STXBP3: variants seen among roughly 807,000 people sequenced by gnomAD.
The protein encoded by STXBP3 is syntaxin-binding protein 3.
In STXBP3, 41 loss-of-function variants were observed where a neutral mutation model predicts 85.7. The ratio of observed to expected loss-of-function variants is 0.48; its 90% CI spans 0.37 to 0.62. The LOEUF is 0.62. Ranked by LOEUF, STXBP3 falls within the 20% of genes least tolerant of loss-of-function variation. The pLI, the probability that STXBP3 is intolerant of heterozygous loss-of-function variation, is 0.00. For missense variants in STXBP3, 563 were observed against 703.1 expected, an observed-to-expected ratio of 0.80 and a Z score of 2.25; for synonymous variants, 229 against 231.7, an observed-to-expected ratio of 0.99 and a Z score of 0.10.
intron 7 of STXBP3, among the ~76,000 whole-genome samples, chr1:108,775,274 CTT>C (rs1300362829): frequency 3.7e-4 from 56 of 152,038 alleles, no homozygotes. Flanking sequence ...TTCTCTCTCT[CTT>C]TTTTCTTAAA....
At chr1:108,777,263 C>T (rs1178277634) in intron 8 of STXBP3, among the ~76,000 whole-genome samples, 2 of 152,040 alleles carry the variant, frequency 1.3e-5, no homozygotes, top group Non-Finnish European at 2.9e-5. Context: ...AATATAGTCC[C>T]GGGCTTATCT....
At position 108,782,479 on chromosome 1, in the gene STXBP3, G is replaced by T. The variant is rs1438308341; in HGVS notation, c.867G>T (p.Trp289Cys). The stretch of plus-strand genomic sequence containing the variant: ...TCCTTGAAGAAGAAGATGACCTCTG[G>T]GTTAGAATTCGACATCGACATATTG... ...EAILEEEDDLWVRIRHRHIAV... is the reference protein window; with the variant it reads ...EAILEEEDDLCVRIRHRHIAV... Residue 289 changes from tryptophan (W) to cysteine (C), a missense_variant, in exon 10 of 19, where the codon TGG becomes TGT. Around this residue, in one of 3 missense-constraint regions of STXBP3, gnomAD observed 494 missense variants for 592.8 expected, o/e 0.83. Coordinates refer to ENST00000370008, the MANE Select transcript of STXBP3 (RefSeq NM_007269.4). 1 of 1,613,660 alleles carries T rather than the reference G, an allele frequency of 6.2e-7. No individual in the cohort carries two copies. Among genetic ancestry groups the T allele is most frequent in the Non-Finnish European group, 8.5e-7 (1 of 1,179,878 alleles).
intron 17 of STXBP3, among the ~76,000 whole-genome samples, chr1:108,807,181 C>T (rs1328143901): frequency 6.6e-6 from 1 of 150,438 alleles, no homozygotes; most frequent in East Asian, 1.9e-4. Context: ...GAACTGTGAC[C>T]CAGGAGGCGG....
At chr1:108,791,258 T>C (rs1662966171) in intron 11 of STXBP3, among the ~76,000 whole-genome samples, 1 of 152,196 alleles carries the variant, frequency 6.6e-6, no homozygotes, top group Non-Finnish European at 1.5e-5. Context: ...TAAACTGTGT[T>C]TATTAATATT....
rs560631484 is a variant in STXBP3 at position 108,747,997 on chromosome 1, A to G, written c.49+1211A>G. On this transcript the variant is annotated intron_variant, in intron 1 of 18. Coordinates refer to ENST00000370008, the MANE Select transcript of STXBP3 (RefSeq NM_007269.4). The stretch of plus-strand genomic sequence containing the variant: ...ATATATGTGATTAACATCCGCATGT[A>G]TGTATTTAAGCCAGTTCTTTACATA... Among the ~76,000 whole-genome samples, 7 of 152,274 alleles carry G rather than the reference A, an allele frequency of 4.6e-5. No individual in the cohort carries two copies. In the South Asian group the frequency reaches 1.0e-3, roughly 23 times the overall value.
chr1:108,773,711 C>G (rs1264695438), intron 7 of STXBP3, among the ~76,000 whole-genome samples: 1 of 152,030 alleles, frequency 6.6e-6, no homozygotes, highest in Non-Finnish European at 1.5e-5. Flanking sequence ...TTTAGACATG[C>G]CAGTTAACCA....
intron 6 of STXBP3, chr1:108,767,018 G>A (rs1662277539): frequency 6.4e-6 from 3 of 467,886 alleles, no homozygotes; most frequent in South Asian, 1.6e-5. Flanking sequence ...TTTCTAACAT[G>A]TCACCAACCA....
At position 108,793,573 on chromosome 1, in the gene STXBP3, T is replaced by C. The variant is rs1570770563; in HGVS notation, c.964-9T>C. The C allele has an allele frequency of 6.2e-7, 1 of 1,608,536 alleles. No individual in the cohort carries two copies. The highest frequency in any genetic ancestry group is 1.7e-4 in the Middle Eastern group (1 of 6,028). The stretch of plus-strand genomic sequence containing the variant: ...AGGCTTGCCTAAAAAAATGTTTGAT[T>C]TTTCCTAGACATCACTTAGTGCTCT... On this transcript the variant is annotated splice_polypyrimidine_tract_variant and intron_variant, in intron 11 of 18. Transcript: ENST00000370008.
In STXBP3 at chr1:108,800,893, GA is replaced by G. The variant is rs1438649298; in HGVS notation, c.1535+589del. Among the ~76,000 whole-genome samples the G allele has an allele frequency of 3.9e-5, 6 of 152,300 alleles. No homozygotes were observed. The East Asian group carries it at 9.6e-4, about 24-fold the overall frequency. ...AGTTCTCTTTGTGTTTATTCTACCT[GA>G]GGATTGTTGAGTTTCTTAAATCTGC... On this transcript the variant is annotated intron_variant, in intron 17 of 18. Transcript: ENST00000370008.
At chr1:108,778,678 A>G (rs1449218050) in intron 8 of STXBP3, among the ~76,000 whole-genome samples, 1 of 70,014 alleles carries the variant, frequency 1.4e-5, no homozygotes, top group East Asian at 2.0e-4. Context: ...AATAGTAGCT[A>G]CTATTCATAA....
intron 6 of STXBP3, among the ~76,000 whole-genome samples, chr1:108,768,278 G>C (rs1320416409): frequency 1.3e-5 from 2 of 151,940 alleles, no homozygotes; most frequent in Non-Finnish European, 2.9e-5. Flanking sequence ...GTTAGGTTTT[G>C]TTTGTATTTT....
At chr1:108,770,168 T>C (rs1213073047) in intron 6 of STXBP3, among the ~76,000 whole-genome samples, 1 of 152,042 alleles carries the variant, frequency 6.6e-6, no homozygotes, top group Non-Finnish European at 1.5e-5. Flanking sequence ...TGGTGGCACA[T>C]ACCTGTGGTC....
rs1663024781 is a variant in STXBP3 at position 108,793,613 on chromosome 1, A to G, written c.995A>G (p.Lys332Arg). Residue 332 changes from lysine (K) to arginine (R), a missense_variant, in exon 12 of 19, where the codon AAA becomes AGA. Physicochemically the swap from Lys to Arg is conservative, Grantham distance 26. Coordinates refer to ENST00000370008, the MANE Select transcript of STXBP3 (RefSeq NM_007269.4). ...TSLSALTQLM[K>R]KMPHFRKQIT... ...CTTAGTGCTCTTACCCAGCTGATGA[A>G]AAAGATGCCCCATTTCCGAAAACAG... is the stretch of plus-strand genomic sequence containing the variant. 3 of 1,612,340 alleles carry G rather than the reference A, an allele frequency of 1.9e-6. No individual in the cohort carries two copies. The East Asian group carries it at 6.7e-5, about 36-fold the overall frequency.
intron 6 of STXBP3, among the ~76,000 whole-genome samples, chr1:108,761,445 C>T (rs572094394): frequency 7.9e-4 from 120 of 152,142 alleles, no homozygotes; most frequent in Non-Finnish European, 1.5e-3. Flanking sequence ...ATTTTAGCCC[C>T]AGAATTTATT....
intron 1 of STXBP3, among the ~76,000 whole-genome samples, chr1:108,747,968 A>G (rs1011502718): frequency 6.6e-6 from 1 of 152,220 alleles, no homozygotes; most frequent in South Asian, 2.1e-4. Flanking sequence ...ATAATTTCCA[A>G]GATATATATG....
chr1:108,755,665 A>G (rs1662002868), intron 3 of STXBP3, among the ~76,000 whole-genome samples: 1 of 152,196 alleles, frequency 6.6e-6, no homozygotes, highest in African/African-American at 2.4e-5. Flanking sequence ...TTTAACAAAT[A>G]CATTATTCAC....
chr1:108,781,213 T>C lies in STXBP3; in HGVS notation c.810-1209T>C, dbSNP rs147512089. The C allele has an allele frequency of 3.5e-4, 54 of 152,320 alleles. No homozygotes were observed. In the East Asian group the frequency reaches 9.8e-3, roughly 28 times the overall value. The allele number at this position is 152,320 out of a possible 1,614,324, so 9.4% of individuals were successfully genotyped here. On this transcript the variant is annotated intron_variant, in intron 9 of 18. Transcript: ENST00000370008. ...ATAATTGAGCACAGTGATTCTGTCTTTGGTCATCTGTAATCCACACAGGTG... is the reference window on the plus strand; with the variant it reads ...ATAATTGAGCACAGTGATTCTGTCTCTGGTCATCTGTAATCCACACAGGTG...
chr1:108,767,457 T>C (rs1368297234), intron 6 of STXBP3: 2 of 197,152 alleles, frequency 1.0e-5, no homozygotes, highest in Non-Finnish European at 1.0e-5. Context: ...TTCAGCCTCC[T>C]GTTTATACTG....
At position 108,772,960 on chromosome 1, in the gene STXBP3, T is replaced by C. The variant is rs568025782; in HGVS notation, c.593+141T>C. On this transcript the variant is annotated intron_variant, in intron 7 of 18. Coordinates refer to ENST00000370008, the MANE Select transcript of STXBP3 (RefSeq NM_007269.4). ...TTACCATGCTCTACATATAGGAGAT[T>C]TAAAGCTTGTGGTTTAAATTTCAGA... 1.4e-5 allele frequency: 11 copies of C among 785,638 alleles called. No individual in the cohort carries two copies. In the Admixed American group the frequency reaches 4.5e-4, roughly 32 times the overall value. 48.7% of individuals were successfully genotyped at this position (785,638 alleles called of 1,614,324 possible). A position where few individuals can be genotyped will look rare whatever the true frequency, so the allele number is the denominator to read the frequency against.
Sources: gnomAD v4.1 joint callset for allele counts (sites outside exome capture counted in the v4.1 genomes callset) on GRCh38, gnomAD v4.1.1 for gene constraint, gnomAD v4.1.1 regional missense constraint, MANE v1.5 for transcripts, NCBI Gene and HGNC (gene_info 2026-07-23, HGNC 2026-07-21) for gene names.